The following ERMARD variants were observed in gnomAD, a reference collection of about 807,000 sequenced individuals.
ERMARD encodes the protein endoplasmic reticulum membrane-associated RNA degradation protein.
ERMARD carries 71 observed loss-of-function variants against 83.9 expected under a neutral mutation model. The ratio of observed to expected loss-of-function variants is 0.85; its 90% CI spans 0.70 to 1.03. The LOEUF is 1.03. Ranked by LOEUF, ERMARD falls within the 50% of genes least tolerant of loss-of-function variation. The probability of loss-of-function intolerance (pLI) is 0.00; values close to 1 mark genes in which losing one functional copy is unlikely to be tolerated. For synonymous variants in ERMARD, 284 were observed against 298.6 expected (o/e 0.95, Z 0.50); for missense variants, 838 against 810.9 (o/e 1.03, Z -0.41).
intron 16 of ERMARD, among the ~76,000 whole-genome samples, chr6:169,778,656 C>T (rs1793862888): frequency 6.6e-6 from 1 of 152,218 alleles, no homozygotes; most frequent in African/African-American, 2.4e-5. Context: ...GTTTATAAGA[C>T]AAGGTCATTC....
Position 169,776,473 on chromosome 6 carries a change from T to C in ERMARD, c.1539T>C (p.Arg513=), listed in dbSNP as rs1454018239. 1 of 1,613,772 alleles carries C rather than the reference T, an allele frequency of 6.2e-7. No homozygotes were observed. The highest frequency in any genetic ancestry group is 1.1e-5 in the South Asian group (1 of 90,972). The change falls in exon 16 of 18, where the codon CGT becomes CGC. Residue 513 remains arginine, a synonymous_variant. Coordinates refer to ENST00000366773, the MANE Select transcript of ERMARD (RefSeq NM_018341.3). ...TTTGCAGGTGGCCCCAGCTTCTCCGTGAGCTCTGCAGCACACCTGTTCCCA... is the reference window on the plus strand; with the variant it reads ...TTTGCAGGTGGCCCCAGCTTCTCCGCGAGCTCTGCAGCACACCTGTTCCCA... ...LPTETWPQLL[R]ELCSTPVPTL...
At chr6:169,779,786 T>C (rs1464796424) in intron 17 of ERMARD, among the ~76,000 whole-genome samples, 1 of 152,206 alleles carries the variant, frequency 6.6e-6, no homozygotes, top group Non-Finnish European at 1.5e-5. Context: ...ACCCAATTCG[T>C]GTATGTAACA....
chr6:169,778,302 A>G (rs1395611759), intron 16 of ERMARD, among the ~76,000 whole-genome samples: 1 of 152,228 alleles, frequency 6.6e-6, no homozygotes, highest in Non-Finnish European at 1.5e-5. Flanking sequence ...AGTACATACT[A>G]TTTTAAATAT....
In ERMARD at chr6:169,779,602, T is replaced by C. The variant is rs6918960; in HGVS notation, c.1853+307T>C. ...ATCGACCTCCCAGGCTCAGGTGATCTGCCACCTCAGCCTCCTGAGTAGCTG... is the reference window on the plus strand; with the variant it reads ...ATCGACCTCCCAGGCTCAGGTGATCCGCCACCTCAGCCTCCTGAGTAGCTG... On this transcript the variant is annotated intron_variant, in intron 17 of 17. Transcript: ENST00000366773. 0.59 allele frequency among the ~76,000 whole-genome samples: 89,567 copies of C among 152,026 alleles called. 29,741 individuals carry two copies. Among genetic ancestry groups the C allele is most frequent in the East Asian group, 0.98 (5,093 of 5,184 alleles).
At chr6:169,771,107 G>A (rs1389588973) in intron 12 of ERMARD, 4 of 140,238 alleles carry the variant, frequency 2.9e-5, no homozygotes, top group Non-Finnish European at 6.1e-5. Flanking sequence ...TTATTGAGAC[G>A]GAGTCTTGCT....
Position 169,759,033 on chromosome 6 carries a change from TG to T in ERMARD, c.576del (p.Phe193LeufsTer14), listed in dbSNP as rs763786436. 6.2e-7 allele frequency: 1 copy of T among 1,614,144 alleles called. No homozygotes were observed. Among genetic ancestry groups the T allele is most frequent in the South Asian group, 1.1e-5 (1 of 91,052 alleles). ...TCAACCTGCGTAACGTCTTATGGCA[TG>T]GGTTTGCGTCACCTGAAGAAATTCC... ...GLNLRNVLWHGFASPEEIPPK... is the reference protein window; with the variant it reads ...GLNLRNVLWHXFASPEEIPPK... On this transcript the variant is annotated frameshift_variant, in exon 6 of 18. Coordinates refer to ENST00000366773, the MANE Select transcript of ERMARD (RefSeq NM_018341.3). LOFTEE classifies it high-confidence loss of function.
intron 13 of ERMARD, 132 bp downstream of exon 13, chr6:169,773,534 A>T (rs551824514): frequency 3.7e-6 from 3 of 808,200 alleles, no homozygotes; most frequent in East Asian, 2.6e-5. Context: ...CTTTTTAACC[A>T]GTGCGGGGCC....
rs1285352787 is a variant in ERMARD, at chr6:169,755,546, G to T, written c.315+124G>T. The stretch of plus-strand genomic sequence containing the variant: ...GGCCCTCCAGCGGTGAAGTGTTGAG[G>T]GTTGTAAGAGAACCCTGGGCTATTA... On this transcript the variant is annotated intron_variant, in intron 3 of 17. Coordinates refer to ENST00000366773, the MANE Select transcript of ERMARD (RefSeq NM_018341.3). The T allele has an allele frequency of 4.0e-6, 5 of 1,238,300 alleles. No individual in the cohort carries two copies. The African/African-American group carries it at 7.6e-5, about 19-fold the overall frequency. The allele number at this position is 1,238,300 out of a possible 1,614,324, so 76.7% of individuals were successfully genotyped here.
upstream of ERMARD, chr6:169,751,567 G>GGAA: frequency 6.2e-7 from 1 of 1,608,720 alleles, no homozygotes; most frequent in Non-Finnish European, 8.5e-7. Context: ...TCGTACGGTA[G>GGAA]GAAGTGCCCG....
intron 14 of ERMARD, 62 bp from the exon 15 acceptor site, chr6:169,775,878 G>T: frequency 6.3e-7 from 1 of 1,583,502 alleles, no homozygotes; most frequent in South Asian, 1.1e-5. Flanking sequence ...ACATTCTTGT[G>T]CACAGGCACT....
At chr6:169,765,642 G>T (rs1053988614) in intron 9 of ERMARD, among the ~76,000 whole-genome samples, 16 of 152,322 alleles carry the variant, frequency 1.1e-4, no homozygotes, top group African/African-American at 3.6e-4. Context: ...ACAGATTTCA[G>T]AGCTAAAGAT....
At position 169,780,710 on chromosome 6, in the gene ERMARD, TGAAC is replaced by T. The variant is rs1357621114; in HGVS notation, c.1854-617_1854-614del. 2.6e-5 allele frequency among the ~76,000 whole-genome samples: 4 copies of T among 152,214 alleles called. No homozygotes were observed. The East Asian group carries it at 7.7e-4, about 29-fold the overall frequency. ...CCTGCTTGTCATTGCAGCCGAACCT[TGAAC>T]GATGCAGGTTTGCACTGCACAGGTC... On this transcript the variant is annotated intron_variant, in intron 17 of 17. Coordinates refer to ENST00000366773, the MANE Select transcript of ERMARD (RefSeq NM_018341.3).
At chr6:169,778,915 C>T (rs955426502) in intron 16 of ERMARD, among the ~76,000 whole-genome samples, 4 of 152,220 alleles carry the variant, frequency 2.6e-5, no homozygotes, top group African/African-American at 9.6e-5. Context: ...CCCTGGCAGC[C>T]CTGATGTAGA....
chr6:169,767,580 TGCACATACC>T (rs1792365170), intron 10 of ERMARD: 2 of 158,888 alleles, frequency 1.3e-5, no homozygotes, highest in African/African-American at 5.0e-5. Context: ...CAAACACACA[TGCACATACC>T]ACACATACAC....
At chr6:169,757,181 A>G (rs1234343192) in intron 5 of ERMARD, among the ~76,000 whole-genome samples, 2 of 152,188 alleles carry the variant, frequency 1.3e-5, no homozygotes, top group Non-Finnish European at 2.9e-5. Flanking sequence ...GGACACAGCC[A>G]AACCATATCA....
intron 1 of ERMARD, among the ~76,000 whole-genome samples, 157 bp from the exon 2 acceptor site, chr6:169,753,707 A>C (rs2128340136): frequency 6.6e-6 from 1 of 152,300 alleles, no homozygotes; most frequent in African/African-American, 2.4e-5. Flanking sequence ...ATATTTAATC[A>C]CTATGTTTTA....
chr6:169,779,784 C>T (rs796277107), intron 17 of ERMARD, among the ~76,000 whole-genome samples: 14 of 152,320 alleles, frequency 9.2e-5, no homozygotes, highest in African/African-American at 3.4e-4. Flanking sequence ...AAACCCAATT[C>T]GTGTATGTAA....
intron 8 of ERMARD, among the ~76,000 whole-genome samples, chr6:169,761,550 TAGAC>T (rs1264862837): frequency 2.6e-5 from 4 of 152,218 alleles, no homozygotes; most frequent in Admixed American, 6.5e-5. Context: ...TGAAATGAGT[TAGAC>T]AGTCCTTTGA....
intron 10 of ERMARD, 129 bp downstream of exon 10, chr6:169,766,796 A>G (rs1792269955): frequency 2.0e-6 from 2 of 1,014,600 alleles, no homozygotes; most frequent in South Asian, 5.3e-5. Flanking sequence ...CCATAGTAAT[A>G]TAAACCAAAA....
Sources: gnomAD v4.1 joint callset for allele counts (sites outside exome capture counted in the v4.1 genomes callset) on GRCh38, gnomAD v4.1.1 for gene constraint, MANE v1.5 for transcripts, NCBI Gene and HGNC (gene_info 2026-07-23, HGNC 2026-07-21) for gene names.